Variants in GALNT3 observed in about 807,000 individuals in gnomAD.
The protein encoded by GALNT3 is GalNAc transferase 3.
A neutral mutation model predicts 69.8 loss-of-function variants in GALNT3; 51 were observed. The ratio of observed to expected loss-of-function variants is 0.73; its 90% CI spans 0.58 to 0.92. GALNT3 has a LOEUF of 0.92. Ranked by LOEUF, GALNT3 falls within the 40% of genes least tolerant of loss-of-function variation. The pLI is 0.00. For synonymous variants in GALNT3, 265 were observed against 248.5 expected (o/e 1.07, Z -0.63); for missense variants, 711 against 760.0 (o/e 0.94, Z 0.76).
At chr2:165,774,663 C>T (rs1688813268) in intron 1 of GALNT3, among the ~76,000 whole-genome samples, 1 of 152,082 alleles carries the variant, frequency 6.6e-6, no homozygotes, top group South Asian at 2.1e-4. Context: ...TCATGAGAGA[C>T]ATGGATAGCA....
At chr2:165,762,252 T>C (rs1688564959) in intron 3 of GALNT3, among the ~76,000 whole-genome samples, 198 bp from the exon 4 acceptor site, 1 of 151,928 alleles carries the variant, frequency 6.6e-6, no homozygotes, top group Non-Finnish European at 1.5e-5. Context: ...TTATCACTAC[T>C]GTAACACAAA....
At chr2:165,748,986 T>C in intron 10 of GALNT3, 83 bp from the exon 11 acceptor site, 4 of 1,391,096 alleles carry the variant, frequency 2.9e-6, no homozygotes, top group Non-Finnish European at 3.0e-6. Flanking sequence ...ATGGTTTCAT[T>C]GAAGCAAACC....
At chr2:165,765,751 G>A (rs1457634593) in intron 2 of GALNT3, among the ~76,000 whole-genome samples, 1 of 152,014 alleles carries the variant, frequency 6.6e-6, no homozygotes, top group African/African-American at 2.4e-5. Flanking sequence ...GCCTCCCAAA[G>A]TGCTGGGATT....
intron 9 of GALNT3, among the ~76,000 whole-genome samples, chr2:165,751,115 C>T (rs1040823536): frequency 6.6e-6 from 1 of 151,934 alleles, no homozygotes; most frequent in East Asian, 1.9e-4. Flanking sequence ...TCATAACACC[C>T]ATCACAAATC....
intron 7 of GALNT3, among the ~76,000 whole-genome samples, chr2:165,755,959 G>A (rs1440646845): frequency 6.6e-6 from 1 of 152,108 alleles, no homozygotes; most frequent in Non-Finnish European, 1.5e-5. Flanking sequence ...CCCTTTGTGG[G>A]GGACAAGCAG....
At chr2:165,754,551 C>G in intron 9 of GALNT3, 76 bp downstream of exon 9, 1 of 1,060,744 alleles carries the variant, frequency 9.4e-7, no homozygotes, top group Non-Finnish European at 1.5e-6. Flanking sequence ...TGCTGTGGGA[C>G]TTCTGAAAAA....
intron 1 of GALNT3, among the ~76,000 whole-genome samples, chr2:165,788,370 T>A (rs1374268699): frequency 6.8e-6 from 1 of 146,508 alleles, no homozygotes. Flanking sequence ...TGCCGATGCC[T>A]CTCCCCTTTC....
Position 165,770,632 on chromosome 2 carries a change from A to T in GALNT3, c.69T>A (p.Leu23=). 1 of 1,601,424 alleles carries T rather than the reference A, an allele frequency of 6.2e-7. No individual in the cohort carries two copies. The highest frequency in any genetic ancestry group is 8.5e-7 in the Non-Finnish European group (1 of 1,176,132). Residue 23 remains leucine, a synonymous_variant, in exon 2 of 11, where the codon CTT becomes CTA. Transcript: ENST00000392701. ...TTATAAAGAAAAAAATTACTGCACC[A>T]AGCTTCCAGAACTTTTTATGGTAAT... ...KRHYHKKFWK[L]GAVIFFFIIV...
chr2:165,772,584 C>A (rs1163664191), intron 1 of GALNT3, among the ~76,000 whole-genome samples: 81 of 66,960 alleles, frequency 1.2e-3, no homozygotes, highest in African/African-American at 1.8e-3. Context: ...GACTCTGTCT[C>A]AAAAAAAAAA....
In GALNT3 at chr2:165,749,873, G is replaced by A; in HGVS notation, c.1648C>T (p.His550Tyr). The A allele has an allele frequency of 6.2e-7, 1 of 1,613,548 alleles. No individual in the cohort carries two copies. The change falls in exon 10 of 11, where the codon CAT becomes TAT. Residue 550 changes from histidine (H) to tyrosine (Y), a missense_variant. By Grantham distance (83) the His-to-Tyr change is moderately conservative. Transcript: ENST00000392701. The part of the protein sequence containing the change: ...GNQYFEYSAQ[H>Y]EIRHNIQKEL... ...TTCTGGATGTTGTGCCGAATTTCAT[G>A]TTGAGCAGAGTATTCAAAGTACTAT...
intron 9 of GALNT3, among the ~76,000 whole-genome samples, chr2:165,753,189 C>G (rs1688383726): frequency 6.6e-6 from 1 of 151,992 alleles, no homozygotes; most frequent in African/African-American, 2.4e-5. Context: ...CTCTTTTTTC[C>G]TAAAACTGAC....
intron 1 of GALNT3, among the ~76,000 whole-genome samples, chr2:165,773,581 G>A (rs1688791847): frequency 6.6e-6 from 1 of 152,176 alleles, no homozygotes; most frequent in East Asian, 1.9e-4. Context: ...CATAGCAAAT[G>A]TAATATGCTA....
At chr2:165,793,172 G>A (rs908777710) in intron 1 of GALNT3, among the ~76,000 whole-genome samples, 1 of 152,132 alleles carries the variant, frequency 6.6e-6, no homozygotes, top group Non-Finnish European at 1.5e-5. Context: ...ATCTGGGCCT[G>A]GCACACCCAA....
At chr2:165,793,578 G>T (rs907621996) in intron 1 of GALNT3, 1 of 152,298 alleles carries the variant, frequency 6.6e-6, no homozygotes, top group Non-Finnish European at 1.5e-5. Context: ...GTCTTTCGCT[G>T]TCGCGGGATG....
intron 1 of GALNT3, among the ~76,000 whole-genome samples, chr2:165,780,048 A>G (rs1427935215): frequency 4.6e-5 from 7 of 152,298 alleles, no homozygotes; most frequent in African/African-American, 1.4e-4. Context: ...CAGGGGCTCA[A>G]TGCTGGATTC....
chr2:165,784,455 G>A (rs950053040), intron 1 of GALNT3, among the ~76,000 whole-genome samples: 2 of 152,122 alleles, frequency 1.3e-5, no homozygotes, highest in African/African-American at 2.4e-5. Flanking sequence ...AACAGATTTT[G>A]GAAGTAGAGT....
rs1447276577 is a variant in GALNT3 at position 165,749,875 on chromosome 2, T to C, written c.1646A>G (p.Gln549Arg). ...CTGGATGTTGTGCCGAATTTCATGT[T>C]GAGCAGAGTATTCAAAGTACTATGG... The part of the protein sequence containing the change: ...GGNQYFEYSA[Q>R]HEIRHNIQKE... The change falls in exon 10 of 11, where the codon CAA becomes CGA. Residue 549 changes from glutamine (Q) to arginine (R), a missense_variant. Transcript: ENST00000392701. 1 of 1,613,466 alleles carries C rather than the reference T, an allele frequency of 6.2e-7. No individual in the cohort carries two copies. The highest frequency in any genetic ancestry group is 1.1e-5 in the South Asian group (1 of 91,066).
rs188275801 is a variant in GALNT3, at chr2:165,773,849, G to A, written c.-108-3041C>T. On this transcript the variant is annotated intron_variant, in intron 1 of 10. Transcript: ENST00000392701. ...CACAGATAAATTATCCACGTCAAGT[G>A]GAAGTAATTTTACAATCTTATCTCA... Among the ~76,000 whole-genome samples, 10 of 152,014 alleles carry A rather than the reference G, an allele frequency of 6.6e-5. No homozygotes were observed. In the East Asian group the frequency reaches 1.7e-3, roughly 26 times the overall value.
chr2:165,755,669 A>G (rs1353230857), intron 7 of GALNT3, among the ~76,000 whole-genome samples: 1 of 152,224 alleles, frequency 6.6e-6, no homozygotes, highest in African/African-American at 2.4e-5. Context: ...TACTAAGAAA[A>G]TAACTTTTTT....
Sources: gnomAD v4.1 joint callset for allele counts (sites outside exome capture counted in the v4.1 genomes callset) on GRCh38, gnomAD v4.1.1 for gene constraint, MANE v1.5 for transcripts, NCBI Gene and HGNC (gene_info 2026-07-23, HGNC 2026-07-21) for gene names.